Variants in ADH5 observed in about 807,000 individuals in gnomAD.
ADH5 encodes the protein alcohol dehydrogenase 5 (class III), chi polypeptide, also known as alcohol dehydrogenase class-3.
ADH5 carries 32 observed loss-of-function variants against 40.3 expected under a neutral mutation model. The ratio of observed to expected loss-of-function variants is 0.79; its 90% CI spans 0.60 to 1.07. ADH5 has a LOEUF of 1.07. Among genes scored for constraint, ADH5 ranks in the 50% least tolerant of loss-of-function variants. ADH5 has a pLI of 0.00. For synonymous variants in ADH5, 125 were observed against 154.3 expected, an observed-to-expected ratio of 0.81 and a Z score of 1.41; for missense variants, 353 against 460.5, an observed-to-expected ratio of 0.77 and a Z score of 2.14.
At chr4:99,082,688 T>C (rs993147595) in intron 2 of ADH5, among the ~76,000 whole-genome samples, 2 of 152,182 alleles carry the variant, frequency 1.3e-5, no homozygotes, top group African/African-American at 4.8e-5. Context: ...CTTATTATTT[T>C]TTTTTGGGAC....
In ADH5 at chr4:99,085,242, G is replaced by A. The variant is rs770364920; in HGVS notation, c.13-26C>T. 10 of 1,319,190 alleles carry A rather than the reference G, an allele frequency of 7.6e-6. No homozygotes were observed. In the African/African-American group the frequency reaches 1.5e-4, roughly 20 times the overall value. 81.7% of individuals were successfully genotyped at this position (1,319,190 alleles called of 1,614,324 possible). Reference sequence around the variant, plus strand: ...CTGAAGTGGGGAAAAAAGGGAATAAGCTGTTTATCCTCCTAAACAAGTAAC... The same window carrying A: ...CTGAAGTGGGGAAAAAAGGGAATAAACTGTTTATCCTCCTAAACAAGTAAC... On this transcript the variant is annotated intron_variant, in intron 1 of 8. Transcript: ENST00000296412.
intron 2 of ADH5, among the ~76,000 whole-genome samples, chr4:99,083,371 G>A (rs772327738): frequency 1.2e-4 from 18 of 152,106 alleles, no homozygotes; most frequent in African/African-American, 1.4e-4. Flanking sequence ...AGGCTGAGGC[G>A]TGTGGATCAC....
At chr4:99,081,241 G>T in intron 4 of ADH5, 124 bp downstream of exon 4, 2 of 656,616 alleles carry the variant, frequency 3.0e-6, no homozygotes, top group East Asian at 3.4e-5. Context: ...TCCTTTGAAC[G>T]TTAATCCGAC....
At chr4:99,086,621 G>A (rs894179212) in intron 1 of ADH5, among the ~76,000 whole-genome samples, 1 of 152,148 alleles carries the variant, frequency 6.6e-6, no homozygotes, top group Non-Finnish European at 1.5e-5. Context: ...CCTACATATA[G>A]GGTGATTGTG....
chr4:99,078,943 G>C (rs1420788223), intron 4 of ADH5, among the ~76,000 whole-genome samples: 1 of 152,032 alleles, frequency 6.6e-6, no homozygotes, highest in South Asian at 2.1e-4. Flanking sequence ...AGATTTTTTT[G>C]TTTTTGGTTC....
At chr4:99,083,322 A>G (rs1307742731) in intron 2 of ADH5, among the ~76,000 whole-genome samples, 1 of 152,102 alleles carries the variant, frequency 6.6e-6, no homozygotes, top group Non-Finnish European at 1.5e-5. Context: ...TATTTGGGCC[A>G]GGTGTGGTGG....
intron 2 of ADH5, among the ~76,000 whole-genome samples, chr4:99,082,500 C>A (rs934624057): frequency 7.9e-5 from 12 of 152,148 alleles, no homozygotes; most frequent in African/African-American, 2.9e-4. Flanking sequence ...CTAGTTTCCT[C>A]ATGACAGCTG....
At chr4:99,080,009 A>G (rs1415184658) in intron 4 of ADH5, 1 of 455,382 alleles carries the variant, frequency 2.2e-6, no homozygotes, top group Non-Finnish European at 4.4e-6. Flanking sequence ...AAAAGTCAGT[A>G]TATTTATGGT....
intron 1 of ADH5, among the ~76,000 whole-genome samples, chr4:99,085,962 G>A (rs1284999844): frequency 6.6e-6 from 1 of 152,086 alleles, no homozygotes; most frequent in Non-Finnish European, 1.5e-5. Flanking sequence ...GCTTGAACCC[G>A]GGAGGTGGAG....
intron 4 of ADH5, 65 bp from the exon 5 acceptor site, chr4:99,076,988 A>C (rs1727944081): frequency 1.7e-6 from 2 of 1,163,008 alleles, no homozygotes; most frequent in Admixed American, 5.2e-5. Flanking sequence ...AGGAAAAAGA[A>C]ATGTTTTAAA....
intron 4 of ADH5, chr4:99,080,602 T>G (rs1160700933): frequency 6.6e-6 from 1 of 152,422 alleles, no homozygotes; most frequent in Non-Finnish European, 1.5e-5. Flanking sequence ...TTTCCTCATG[T>G]GAAAAATAAA....
chr4:99,079,198 A>G (rs1004646373), intron 4 of ADH5, among the ~76,000 whole-genome samples: 25 of 152,316 alleles, frequency 1.6e-4, no homozygotes, highest in African/African-American at 5.8e-4. Context: ...ACATGTATAA[A>G]TAAGAATGTT....
chr4:99,076,296 A>C lies in ADH5; in HGVS notation c.821T>G (p.Val274Gly), dbSNP rs756847636. ...AGGAATGAAGCCCATACTCACCATG[A>C]CCTTCACATTACCAATACATTCAAA... is the stretch of plus-strand genomic sequence containing the variant. ...YSFECIGNVK[V>G]MRAALEACHK... The change falls in exon 6 of 9, where the codon GTC becomes GGC. Residue 274 changes from valine to glycine, a missense_variant. Val to Gly is a moderately radical substitution (Grantham distance 109). Transcript: ENST00000296412. 1.1e-5 allele frequency: 18 copies of C among 1,614,016 alleles called. No homozygotes were observed. In the South Asian group the frequency reaches 2.0e-4, roughly 18 times the overall value.
Position 99,076,258 on chromosome 4 carries a change from C to A in ADH5, c.825+34G>T, listed in dbSNP as rs116010022. 8.9e-3 allele frequency: 14,281 copies of A among 1,597,220 alleles called. 88 individuals are homozygous for A. The highest frequency in any genetic ancestry group is 0.011 in the Non-Finnish European group (12,822 of 1,169,866). ...AAACTGCACTTCAAAAAAAGCAGTT[C>A]CATAAACTAAAAAGGAATGAAGCCC... On this transcript the variant is annotated intron_variant, in intron 6 of 8. Transcript: ENST00000296412.
At chr4:99,087,050 T>C (rs1358688935) in intron 1 of ADH5, among the ~76,000 whole-genome samples, 2 of 147,806 alleles carry the variant, frequency 1.4e-5, no homozygotes, top group East Asian at 4.0e-4. Context: ...GAACAAACGG[T>C]TGAGGGAAAG....
intron 4 of ADH5, chr4:99,079,810 T>C (rs1727994919): frequency 2.9e-6 from 1 of 345,046 alleles, no homozygotes; most frequent in East Asian, 8.5e-5. Context: ...GTTTTATTAC[T>C]CTCACTTACT....
intron 1 of ADH5, among the ~76,000 whole-genome samples, chr4:99,086,500 A>T (rs921960502): frequency 1.3e-5 from 2 of 152,254 alleles, no homozygotes; most frequent in Non-Finnish European, 2.9e-5. Flanking sequence ...AGTAATACAG[A>T]AAGCAAAAAA....
At position 99,081,541 on chromosome 4, in the gene ADH5, G is replaced by A. The variant is rs947343673; in HGVS notation, c.257-89C>T. 3.1e-6 allele frequency: 3 copies of A among 960,786 alleles called. No homozygotes were observed. In the Middle Eastern group the frequency reaches 6.4e-4, roughly 204 times the overall value. The allele number at this position is 960,786 out of a possible 1,614,324, so 59.5% of individuals were successfully genotyped here. A position where few individuals can be genotyped will look rare whatever the true frequency, so the allele number is the denominator to read the frequency against. ...CTTGCAAATTCCTGTCAACGGATGT[G>A]GCTTTGCAAAGTTAAAAACTTCAAG... is the stretch of plus-strand genomic sequence containing the variant. On this transcript the variant is annotated intron_variant, in intron 3 of 8. Coordinates refer to ENST00000296412, the MANE Select transcript of ADH5 (RefSeq NM_000671.4).
At chr4:99,081,149 T>C (rs1218200495) in intron 4 of ADH5, among the ~76,000 whole-genome samples, 2 of 152,216 alleles carry the variant, frequency 1.3e-5, no homozygotes, top group East Asian at 3.9e-4. Context: ...TTCTTGCTTC[T>C]GTAATATGCT....
Sources: gnomAD v4.1 joint callset for allele counts (sites outside exome capture counted in the v4.1 genomes callset) on GRCh38, gnomAD v4.1.1 for gene constraint, MANE v1.5 for transcripts, NCBI Gene and HGNC (gene_info 2026-07-23, HGNC 2026-07-21) for gene names.